The following BACH2 variants were observed in gnomAD, a reference collection of about 807,000 sequenced individuals.
The protein encoded by BACH2 is BACH transcriptional regulator 2.
A neutral mutation model predicts 61.8 loss-of-function variants in BACH2; 5 were observed. The ratio of observed to expected loss-of-function variants is 0.08; its 90% CI spans 0.04 to 0.17. The LOEUF is 0.17. BACH2 is among the 10% of genes least tolerant of loss of function. The pLI, the probability that BACH2 is intolerant of heterozygous loss-of-function variation, is 1.00. For synonymous variants in BACH2, 446 were observed against 440.1 expected, an observed-to-expected ratio of 1.01 and a Z score of -0.17; for missense variants, 824 against 1,091.1, an observed-to-expected ratio of 0.76 and a Z score of 3.45.
chr6:90,035,223 G>A (rs1301287998), intron 5 of BACH2, among the ~76,000 whole-genome samples: 1 of 151,972 alleles, frequency 6.6e-6, no homozygotes, highest in Admixed American at 6.6e-5. Context: ...AACTACTCTT[G>A]CCTTTAAGTT....
intron 6 of BACH2, among the ~76,000 whole-genome samples, chr6:89,965,465 G>A (rs545484493): frequency 6.6e-6 from 1 of 152,244 alleles, no homozygotes; most frequent in South Asian, 2.1e-4. Context: ...AACTTGCTGG[G>A]TTCTGACCTA....
At chr6:90,106,285 C>T (rs893191928) in intron 4 of BACH2, among the ~76,000 whole-genome samples, 2 of 152,196 alleles carry the variant, frequency 1.3e-5, no homozygotes, top group African/African-American at 4.8e-5. Context: ...CAAACTTACA[C>T]TTTCCATGAA....
Position 89,950,977 on chromosome 6 carries a change from T to C in BACH2, c.1129A>G (p.Thr377Ala). 2 of 1,576,364 alleles carry C rather than the reference T, an allele frequency of 1.3e-6. No individual in the cohort carries two copies. The highest frequency in any genetic ancestry group is 1.7e-6 in the Non-Finnish European group (2 of 1,161,958). ...SPACPFDKGITQGDLKTDYTP... is the reference protein window; with the variant it reads ...SPACPFDKGIAQGDLKTDYTP... ...TAGTCAGTTTTAAGGTCACCCTGAGTGATCCCCTTGTCAAAAGGGCAGGCT... is the reference window on the plus strand; with the variant it reads ...TAGTCAGTTTTAAGGTCACCCTGAGCGATCCCCTTGTCAAAAGGGCAGGCT... Residue 377 changes from threonine to alanine, a missense_variant, in exon 7 of 9, where the codon ACT (threonine) becomes GCT (alanine). This residue lies in a region of BACH2 where 226 missense variants were observed against 228.5 expected (regional missense o/e 0.99). Transcript: ENST00000257749. The surrounding 1 kb of genome is among the most constrained non-coding windows in gnomAD (Gnocchi z 5.3).
chr6:89,962,511 G>A (rs780170970), intron 6 of BACH2, among the ~76,000 whole-genome samples: 18 of 152,176 alleles, frequency 1.2e-4, no homozygotes, highest in Middle Eastern at 3.4e-3. Flanking sequence ...TTTCTTGAAC[G>A]CCTTATTTGT....
chr6:90,200,786 A>G (rs1012087763), intron 4 of BACH2, among the ~76,000 whole-genome samples: 1 of 152,204 alleles, frequency 6.6e-6, no homozygotes, highest in Non-Finnish European at 1.5e-5. Flanking sequence ...TCTTTTTATC[A>G]TGTATATTTT....
chr6:90,039,688 G>A (rs1779435302), intron 5 of BACH2, among the ~76,000 whole-genome samples: 1 of 152,088 alleles, frequency 6.6e-6, no homozygotes, highest in East Asian at 1.9e-4. Flanking sequence ...CTGGCCAAGA[G>A]TACTTCTTTA....
chr6:90,283,014 G>A (rs1427077602), intron 1 of BACH2, among the ~76,000 whole-genome samples: 1 of 152,096 alleles, frequency 6.6e-6, no homozygotes. Flanking sequence ...ATCCTTACAT[G>A]GTATTGTCAG....
intron 6 of BACH2, among the ~76,000 whole-genome samples, chr6:89,971,586 T>C (rs1441186187): frequency 2.0e-5 from 3 of 152,146 alleles, no homozygotes; most frequent in Admixed American, 2.0e-4. Context: ...ATTTTCATGC[T>C]GCTGATAAAG....
chr6:90,245,284 A>C (rs891283332), intron 3 of BACH2, among the ~76,000 whole-genome samples: 7 of 152,160 alleles, frequency 4.6e-5, no homozygotes, highest in African/African-American at 1.4e-4. Flanking sequence ...AATACAATTC[A>C]TTTTTAAAAG....
chr6:90,040,815 A>G (rs959740118), intron 5 of BACH2, among the ~76,000 whole-genome samples: 2 of 151,822 alleles, frequency 1.3e-5, no homozygotes, highest in Non-Finnish European at 2.9e-5. Context: ...ATTTTATTTG[A>G]ACTTTTCTTT....
At position 89,978,581 on chromosome 6, in the gene BACH2, C is replaced by T. The variant is rs939372648; in HGVS notation, c.244-26719G>A. ...CTGATTCAAGGCTGTTTGCCATCAG[C>T]TGGGGTGAGTGCCACTCTGACCTAA... is the stretch of plus-strand genomic sequence containing the variant. On this transcript the variant is annotated intron_variant, in intron 6 of 8. Coordinates refer to ENST00000257749, the MANE Select transcript of BACH2 (RefSeq NM_021813.4). Among the ~76,000 whole-genome samples the T allele has an allele frequency of 2.2e-5, 3 of 137,658 alleles. No homozygotes were observed. In the Admixed American group the frequency reaches 2.4e-4, roughly 11 times the overall value. The allele number at this position is 137,658 out of a possible 152,430, so 90.3% of individuals were successfully genotyped here.
chr6:90,127,184 C>G (rs1487321691), intron 4 of BACH2, among the ~76,000 whole-genome samples: 2 of 152,242 alleles, frequency 1.3e-5, no homozygotes, highest in Non-Finnish European at 2.9e-5. Context: ...ACCCTCTTTT[C>G]CAGCCCATAC....
intron 4 of BACH2, among the ~76,000 whole-genome samples, chr6:90,162,456 T>C (rs934865674): frequency 2.0e-5 from 3 of 151,948 alleles, no homozygotes; most frequent in Non-Finnish European, 2.9e-5. Context: ...CTGGGCAACA[T>C]AGTGAGACCT....
At chr6:90,126,994 ATGGCAAGC>A (rs1783876725) in intron 4 of BACH2, among the ~76,000 whole-genome samples, 2 of 152,146 alleles carry the variant, frequency 1.3e-5, no homozygotes, top group Admixed American at 1.3e-4. Context: ...TAAAGGGGGG[ATGGCAAGC>A]TGTTGACAAC....
At chr6:90,225,999 C>T (rs961816448) in intron 3 of BACH2, among the ~76,000 whole-genome samples, 2 of 152,146 alleles carry the variant, frequency 1.3e-5, no homozygotes, top group Non-Finnish European at 2.9e-5. Context: ...GCTAGAGAGG[C>T]ACCCAGTGGT....
intron 6 of BACH2, among the ~76,000 whole-genome samples, chr6:90,000,638 G>A (rs1777087473): frequency 6.6e-6 from 1 of 152,114 alleles, no homozygotes. Flanking sequence ...GTTACTCCTT[G>A]TACACTCATA....
intron 5 of BACH2, among the ~76,000 whole-genome samples, chr6:90,075,848 T>C (rs1048571732): frequency 2.6e-5 from 4 of 152,106 alleles, no homozygotes; most frequent in Admixed American, 6.6e-5. Flanking sequence ...GCTTTTTAGT[T>C]AAAAAATGAC....
In BACH2 at chr6:89,928,602, C is replaced by T. The variant is rs1400311481; in HGVS notation, c.*3806G>A. The T allele has an allele frequency of 2.0e-5, 3 of 152,750 alleles. No individual in the cohort carries two copies. The highest frequency in any genetic ancestry group is 7.2e-5 in the African/African-American group (3 of 41,438). 9.5% of individuals were successfully genotyped at this position (152,750 alleles called of 1,614,324 possible). A position where few individuals can be genotyped will look rare whatever the true frequency, so the allele number is the denominator to read the frequency against. ...TGAGTCTTGTCGCTGGTCCTGGCTCCTTTTGAAGGAGTAGTGGCAGTTGGC... is the reference window on the plus strand; with the variant it reads ...TGAGTCTTGTCGCTGGTCCTGGCTCTTTTTGAAGGAGTAGTGGCAGTTGGC... On this transcript the variant is annotated 3_prime_UTR_variant, in exon 9 of 9. Transcript: ENST00000257749.
At chr6:90,115,052 C>A (rs779780063) in intron 4 of BACH2, among the ~76,000 whole-genome samples, 3 of 152,054 alleles carry the variant, frequency 2.0e-5, no homozygotes, top group Non-Finnish European at 4.4e-5. Context: ...ACATCCCATG[C>A]GCGTGGATAG....
Sources: gnomAD v4.1 joint callset for allele counts (sites outside exome capture counted in the v4.1 genomes callset) on GRCh38, gnomAD v4.1.1 for gene constraint, gnomAD v4.1.1 regional missense constraint, Gnocchi (gnomAD v3.1) non-coding constraint, MANE v1.5 for transcripts, NCBI Gene and HGNC (gene_info 2026-07-23, HGNC 2026-07-21) for gene names.